The following FNIP1 variants were observed in gnomAD, a reference collection of about 807,000 sequenced individuals.
The protein encoded by FNIP1 is folliculin interacting protein 1.
In FNIP1, 40 loss-of-function variants were observed where a neutral mutation model predicts 124.5. That is an observed-to-expected ratio of 0.32 (90% CI 0.25 to 0.42). FNIP1 has a LOEUF of 0.42. FNIP1 is among the 10% of genes least tolerant of loss of function. The probability of loss-of-function intolerance (pLI) is 1.00; values close to 1 mark genes in which losing one functional copy is unlikely to be tolerated. For synonymous variants in FNIP1, 472 were observed against 470.6 expected (o/e 1.00, Z -0.04); for missense variants, 1,176 against 1,403.7 (o/e 0.84, Z 2.59).
At chr5:131,706,079 G>A (rs1397232365) in intron 9 of FNIP1, among the ~76,000 whole-genome samples, 1 of 152,096 alleles carries the variant, frequency 6.6e-6, no homozygotes, top group East Asian at 1.9e-4. Flanking sequence ...GTGGTTACAA[G>A]AGGAAGAAAA....
In FNIP1 at chr5:131,744,625, C is replaced by T. The variant is rs976716363; in HGVS notation, c.158G>A (p.Arg53Gln). ...GGAGTCAAACAAAACATTTCTCCCT[C>T]GTCTTTCACAGTCTTGATATACAAT... ...RLIVYQDCERRGRNVLFDSSV... is the reference protein window; with the variant it reads ...RLIVYQDCERQGRNVLFDSSV... Residue 53 changes from arginine (R) to glutamine (Q), a missense_variant, in exon 2 of 18, where the codon CGA (arginine) becomes CAA (glutamine). Arg to Gln is a conservative substitution (Grantham distance 43). Transcript: ENST00000510461. 12 of 1,611,872 alleles carry T rather than the reference C, an allele frequency of 7.4e-6. No individual in the cohort carries two copies. The highest frequency in any genetic ancestry group is 5.3e-5 in the African/African-American group (4 of 74,804).
At chr5:131,711,163 T>C (rs1769279262) in intron 6 of FNIP1, among the ~76,000 whole-genome samples, 1 of 152,090 alleles carries the variant, frequency 6.6e-6, no homozygotes, top group South Asian at 2.1e-4. Flanking sequence ...ACTGACAAAT[T>C]AAAAATTGGT....
At chr5:131,697,468 T>A (rs1366717140) in intron 11 of FNIP1, among the ~76,000 whole-genome samples, 2 of 152,180 alleles carry the variant, frequency 1.3e-5, no homozygotes, top group East Asian at 3.9e-4. Context: ...TTTATTTTTA[T>A]AGCTAGTTTT....
intron 15 of FNIP1, among the ~76,000 whole-genome samples, chr5:131,653,820 C>A (rs1474989251): frequency 6.6e-6 from 1 of 152,142 alleles, no homozygotes; most frequent in Non-Finnish European, 1.5e-5. Flanking sequence ...CAGCTCACTG[C>A]AACCTCCACC....
At chr5:131,776,182 C>T (rs541435788) in intron 1 of FNIP1, among the ~76,000 whole-genome samples, 3 of 152,156 alleles carry the variant, frequency 2.0e-5, no homozygotes, top group Admixed American at 1.3e-4. Flanking sequence ...GCAAAACTGA[C>T]GTCACTGGTG....
intron 1 of FNIP1, among the ~76,000 whole-genome samples, chr5:131,777,661 G>A (rs924833084): frequency 1.3e-5 from 2 of 152,082 alleles, no homozygotes; most frequent in Non-Finnish European, 1.5e-5. Flanking sequence ...TTGAAAACTG[G>A]TAAATAAAAC....
intron 1 of FNIP1, among the ~76,000 whole-genome samples, chr5:131,746,674 C>T (rs372235562): frequency 6.6e-6 from 1 of 152,182 alleles, no homozygotes; most frequent in East Asian, 1.9e-4. Context: ...TCCAATCCAC[C>T]ACTGATGGGA....
intron 1 of FNIP1, among the ~76,000 whole-genome samples, chr5:131,764,090 T>C (rs1771338828): frequency 6.6e-6 from 1 of 151,818 alleles, no homozygotes; most frequent in Non-Finnish European, 1.5e-5. Context: ...CCCCTTGCCT[T>C]TTTTTTGCTC....
In FNIP1 at chr5:131,698,942, T is replaced by C. The variant is rs779359173; in HGVS notation, c.1177A>G (p.Ile393Val). Residue 393 changes from isoleucine to valine, a missense_variant, in exon 11 of 18, where the codon ATA (isoleucine) becomes GTA (valine). Transcript: ENST00000510461. ...ASQRSLAYNR[I>V]VDALNEFRTT... ...CTGAATTCATTTAGGGCATCAACTA[T>C]TCGATTATATGCCAAACTTCTCTGA... The C allele has an allele frequency of 1.1e-5, 17 of 1,611,422 alleles. No homozygotes were observed. In the South Asian group the frequency reaches 1.9e-4, roughly 18 times the overall value.
At chr5:131,692,036 C>CA (rs2149525496) in intron 11 of FNIP1, among the ~76,000 whole-genome samples, 2 of 148,432 alleles carry the variant, frequency 1.3e-5, no homozygotes, top group South Asian at 4.2e-4. Context: ...CACAAAGATA[C>CA]AAAAAAGAGG....
chr5:131,667,808 A>C (rs1039021113), intron 15 of FNIP1, among the ~76,000 whole-genome samples: 4 of 152,122 alleles, frequency 2.6e-5, no homozygotes, highest in East Asian at 1.9e-4. Flanking sequence ...GGGTGGTCAC[A>C]AACTACTGAC....
At chr5:131,744,540 A>AACC (rs958208472) in intron 2 of FNIP1, 24 bp downstream of exon 2, 1 of 1,572,934 alleles carries the variant, frequency 6.4e-7, no homozygotes, top group African/African-American at 1.4e-5. Context: ...ATTAAAAGTC[A>AACC]ACCAAATCAA....
intron 15 of FNIP1, among the ~76,000 whole-genome samples, chr5:131,652,585 C>A (rs1767072675): frequency 6.6e-6 from 1 of 152,168 alleles, no homozygotes; most frequent in African/African-American, 2.4e-5. Context: ...TTGTGATCCA[C>A]CCACCTCGGC....
intron 13 of FNIP1, among the ~76,000 whole-genome samples, chr5:131,676,166 C>T (rs1236943705): frequency 6.6e-6 from 1 of 152,226 alleles, no homozygotes; most frequent in South Asian, 2.1e-4. Context: ...GCGCCCACCA[C>T]CACGCCCAGC....
At chr5:131,729,905 C>T (rs527459364) in intron 3 of FNIP1, among the ~76,000 whole-genome samples, 1 of 151,880 alleles carries the variant, frequency 6.6e-6, no homozygotes, top group South Asian at 2.1e-4. Context: ...GCCACCATGC[C>T]TAATTTTACA....
At chr5:131,649,470 G>A (rs552433140) in intron 16 of FNIP1, among the ~76,000 whole-genome samples, 4 of 152,152 alleles carry the variant, frequency 2.6e-5, no homozygotes, top group Non-Finnish European at 5.9e-5. Flanking sequence ...TTGGCAAAAC[G>A]TCTATTCAAG....
At chr5:131,727,173 C>T (rs986156312) in intron 3 of FNIP1, among the ~76,000 whole-genome samples, 4 of 152,018 alleles carry the variant, frequency 2.6e-5, no homozygotes, top group African/African-American at 9.7e-5. Context: ...TCTGCTTGGT[C>T]CAGAGCTGAG....
Position 131,670,610 on chromosome 5 carries a change from A to C in FNIP1, c.2961T>G (p.Ser987Arg). The stretch of plus-strand genomic sequence containing the variant: ...AGTTGGCAATGTTGGGCTGAACAGC[A>C]CTCACTTCGATTAACTTTGACCTGG... ...PFPGSKLIEV[S>R]AVQPNIANFG... The change falls in exon 15 of 18, where the codon AGT (serine) becomes AGG (arginine). Residue 987 changes from serine (S) to arginine (R), a missense_variant. Transcript: ENST00000510461. 1 of 1,608,688 alleles carries C rather than the reference A, an allele frequency of 6.2e-7. No homozygotes were observed. The highest frequency in any genetic ancestry group is 8.5e-7 in the Non-Finnish European group (1 of 1,178,066).
chr5:131,785,017 TG>T (rs1772122613), intron 1 of FNIP1, among the ~76,000 whole-genome samples: 7 of 14,196 alleles, frequency 4.9e-4, no homozygotes, highest in South Asian at 4.0e-3. Context: ...ACTATATATA[TG>T]ATATATATGA....
Sources: allele counts gnomAD v4.1 joint callset (sites outside exome capture counted in the v4.1 genomes callset), GRCh38; gene constraint gnomAD v4.1.1; transcripts MANE v1.5; gene names NCBI Gene and HGNC (gene_info 2026-07-23, HGNC 2026-07-21).